Variants in ARIH1 observed in about 807,000 individuals in gnomAD.
ARIH1 encodes E3 ubiquitin-protein ligase ARIH1.
Under a neutral mutation model 85.0 loss-of-function variants are expected in ARIH1, and 8 were observed. The observed-to-expected ratio is 0.09, with a 90% CI of 0.06 to 0.17. The LOEUF (loss-of-function observed/expected upper bound fraction) is 0.17. Ranked by LOEUF, ARIH1 falls within the 10% of genes least tolerant of loss-of-function variation. The pLI, the probability that ARIH1 is intolerant of heterozygous loss-of-function variation, is 1.00. For missense variants in ARIH1, 311 were observed against 718.1 expected (o/e 0.43, Z 6.48); for synonymous variants, 238 against 253.6 (o/e 0.94, Z 0.59).
chr15:72,540,250 C>T (rs2064100795), intron 2 of ARIH1, among the ~76,000 whole-genome samples: 1 of 81,726 alleles, frequency 1.2e-5, no homozygotes, highest in African/African-American at 4.6e-5. Flanking sequence ...AAGAGCGAGA[C>T]TTTGTCTCAA....
chr15:72,490,959 TA>T (rs1249399330), intron 1 of ARIH1, among the ~76,000 whole-genome samples: 1 of 151,848 alleles, frequency 6.6e-6, no homozygotes, highest in Admixed American at 6.6e-5. Context: ...CTACTAAAAA[TA>T]TAAAAATTAG....
In ARIH1 at chr15:72,544,898, G is replaced by T; in HGVS notation, c.522G>T (p.Gln174His). Residue 174 changes from glutamine to histidine, a missense_variant, in exon 3 of 14, where the codon CAG becomes CAT. Physicochemically the swap from Gln to His is conservative, Grantham distance 24. This residue lies in a region of ARIH1 where 104 missense variants were observed against 221.4 expected (regional missense o/e 0.47). Coordinates refer to ENST00000379887, the MANE Select transcript of ARIH1 (RefSeq NM_005744.5). ...CAAGTAAAAAGTCTCGAACACGCCA[G>T]ATGAATACAAGGTCATCAGCACAGG... The part of the protein sequence containing the change: ...INPSKKSRTR[Q>H]MNTRSSAQDM... 1 of 1,613,808 alleles carries T rather than the reference G, an allele frequency of 6.2e-7. No homozygotes were observed.
intron 1 of ARIH1, among the ~76,000 whole-genome samples, chr15:72,489,208 A>G (rs71397246): frequency 0.04 from 5,713 of 143,750 alleles, 163 homozygotes; most frequent in Non-Finnish European, 0.061. Flanking sequence ...AGATTGTGCT[A>G]CTGCACTCCA....
At chr15:72,574,473 A>G (rs754333341) in intron 11 of ARIH1, among the ~76,000 whole-genome samples, 15 of 152,336 alleles carry the variant, frequency 9.8e-5, no homozygotes, top group Middle Eastern at 3.4e-3. Flanking sequence ...AAAAATTACT[A>G]GAAGGTTGAC....
chr15:72,535,633 CT>C (rs776397058), intron 2 of ARIH1, among the ~76,000 whole-genome samples: 7 of 152,106 alleles, frequency 4.6e-5, no homozygotes, highest in Admixed American at 3.3e-4. Context: ...AAGACAATTT[CT>C]TTTTATATAC....
At chr15:72,524,918 T>C (rs2064020419) in intron 2 of ARIH1, among the ~76,000 whole-genome samples, 1 of 152,220 alleles carries the variant, frequency 6.6e-6, no homozygotes, top group Admixed American at 6.5e-5. Context: ...AGGGTCTCAC[T>C]CTGTCACCCA....
rs1380552546 is a variant in ARIH1 at position 72,599,460 on chromosome 15, G to A, written c.*16168G>A. ...CTCCACAGAGACAAATATCTTACCA[G>A]TTGGTTGTGTTTTCTTTTCCAAACT... On this transcript the variant is annotated 3_prime_UTR_variant, in exon 14 of 14. Coordinates refer to ENST00000379887, the MANE Select transcript of ARIH1 (RefSeq NM_005744.5). 1 of 152,078 alleles carries A rather than the reference G, an allele frequency of 6.6e-6. No individual in the cohort carries two copies. Among genetic ancestry groups the A allele is most frequent in the East Asian group, 1.9e-4 (1 of 5,190 alleles). The allele number at this position is 152,078 out of a possible 1,614,324, so 9.4% of individuals were successfully genotyped here.
chr15:72,517,110 C>G (rs753318198), intron 1 of ARIH1, among the ~76,000 whole-genome samples: 16 of 152,270 alleles, frequency 1.1e-4, no homozygotes, highest in Admixed American at 3.9e-4. Context: ...GGTTTTATTT[C>G]ATAGTGGTAA....
chr15:72,487,122 T>C (rs1353117993), intron 1 of ARIH1, among the ~76,000 whole-genome samples: 1 of 152,190 alleles, frequency 6.6e-6, no homozygotes, highest in Non-Finnish European at 1.5e-5. Context: ...TATTGTTCTT[T>C]CCTTTTTTGC....
chr15:72,524,330 T>C (rs1019471713), intron 2 of ARIH1, among the ~76,000 whole-genome samples: 1 of 150,222 alleles, frequency 6.7e-6, no homozygotes, highest in Non-Finnish European at 1.5e-5. Context: ...CATTGCAACC[T>C]CTGCCTCCCG....
intron 2 of ARIH1, among the ~76,000 whole-genome samples, chr15:72,540,513 CAAATACATG>C (rs1462026671): frequency 6.6e-6 from 1 of 151,970 alleles, no homozygotes; most frequent in African/African-American, 2.4e-5. Flanking sequence ...CAGATCAGAA[CAAATACATG>C]AAACTTTGGT....
chr15:72,566,102 G>T (rs2064219551), intron 7 of ARIH1, among the ~76,000 whole-genome samples: 1 of 152,122 alleles, frequency 6.6e-6, no homozygotes, highest in Non-Finnish European at 1.5e-5. Flanking sequence ...CAGGGCGGAG[G>T]TTCATTTGTT....
At chr15:72,483,827 G>A (rs1161121855) in intron 1 of ARIH1, among the ~76,000 whole-genome samples, 3 of 148,504 alleles carry the variant, frequency 2.0e-5, no homozygotes, top group South Asian at 4.2e-4. Flanking sequence ...CTCTAGCTAC[G>A]TAATGGAATC....
At chr15:72,502,990 A>G (rs1222129289) in intron 1 of ARIH1, among the ~76,000 whole-genome samples, 1 of 152,144 alleles carries the variant, frequency 6.6e-6, no homozygotes. Flanking sequence ...TTTGATGATC[A>G]GTGTTTAGTT....
chr15:72,563,330 A>T (rs1481279600), intron 6 of ARIH1, 64 bp from the exon 7 acceptor site: 8 of 1,433,652 alleles, frequency 5.6e-6, no homozygotes, highest in Non-Finnish European at 7.9e-6. Flanking sequence ...AAGTTCTGGG[A>T]TTATAGGTGT....
intron 1 of ARIH1, chr15:72,496,699 C>T: frequency 1.6e-6 from 1 of 613,474 alleles, no homozygotes; most frequent in Non-Finnish European, 2.0e-6. Flanking sequence ...TTCCCCACCC[C>T]TTTATATATA....
intron 1 of ARIH1, among the ~76,000 whole-genome samples, chr15:72,483,405 C>T (rs1181574932): frequency 6.6e-6 from 1 of 152,168 alleles, no homozygotes; most frequent in South Asian, 2.1e-4. Flanking sequence ...TCAGAAGTAA[C>T]GTCGCATCAC....
intron 10 of ARIH1, 91 bp from the exon 11 acceptor site, chr15:72,572,017 A>C: frequency 1.1e-6 from 1 of 892,680 alleles, no homozygotes; most frequent in Non-Finnish European, 1.8e-6. Context: ...GTGTTAGATA[A>C]TCTGTAAATC....
intron 3 of ARIH1, among the ~76,000 whole-genome samples, chr15:72,547,328 G>C (rs1454297480): frequency 6.6e-6 from 1 of 151,456 alleles, no homozygotes; most frequent in Non-Finnish European, 1.5e-5. Context: ...CGCCTCCTGG[G>C]TTCAAGTGAT....
Sources: gnomAD v4.1 joint callset for allele counts (sites outside exome capture counted in the v4.1 genomes callset) on GRCh38, gnomAD v4.1.1 for gene constraint, gnomAD v4.1.1 regional missense constraint, MANE v1.5 for transcripts, NCBI Gene and HGNC (gene_info 2026-07-23, HGNC 2026-07-21) for gene names.